The following KIF18A variants were observed in gnomAD, a reference collection of about 807,000 sequenced individuals.
KIF18A encodes kinesin-like protein KIF18A.
Under a neutral mutation model 103.3 loss-of-function variants are expected in KIF18A, and 67 were observed. The ratio of observed to expected loss-of-function variants is 0.65; its 90% CI spans 0.53 to 0.79. The LOEUF is 0.79. Ranked by LOEUF, KIF18A falls within the 30% of genes least tolerant of loss-of-function variation. The pLI is 0.00. For synonymous variants in KIF18A, 367 were observed against 355.5 expected (o/e 1.03, Z -0.36); for missense variants, 1,032 against 1,062.5 (o/e 0.97, Z 0.40).
chr11:28,052,654 T>C (rs1057367489), intron 13 of KIF18A, among the ~76,000 whole-genome samples: 1 of 152,138 alleles, frequency 6.6e-6, no homozygotes, highest in Non-Finnish European at 1.5e-5. Flanking sequence ...TCTTATAGCA[T>C]GTAGTACCTC....
chr11:28,031,748 C>A (rs191916023), intron 15 of KIF18A, among the ~76,000 whole-genome samples: 7 of 151,182 alleles, frequency 4.6e-5, no homozygotes, highest in South Asian at 2.1e-4. Flanking sequence ...AAGCCATACA[C>A]GACAGACCCA....
At chr11:28,068,925 C>A (rs997769511) in intron 11 of KIF18A, among the ~76,000 whole-genome samples, 6 of 152,264 alleles carry the variant, frequency 3.9e-5, no homozygotes, top group African/African-American at 1.4e-4. Flanking sequence ...GTTACACACA[C>A]ACACCCCCTT....
chr11:28,104,086 CTT>C (rs1157460466), intron 1 of KIF18A, among the ~76,000 whole-genome samples: 1 of 152,174 alleles, frequency 6.6e-6, no homozygotes, highest in Non-Finnish European at 1.5e-5. Context: ...CAATTTTTAA[CTT>C]ATAACATATG....
intron 3 of KIF18A, among the ~76,000 whole-genome samples, chr11:28,092,388 G>C (rs1851318282): frequency 1.3e-5 from 2 of 152,106 alleles, no homozygotes; most frequent in Non-Finnish European, 2.9e-5. Flanking sequence ...TTTGAATGAT[G>C]AGGGAACTAA....
At chr11:28,079,127 G>C (rs575233775) in intron 9 of KIF18A, among the ~76,000 whole-genome samples, 3 of 152,000 alleles carry the variant, frequency 2.0e-5, no homozygotes, top group African/African-American at 7.2e-5. Context: ...CCTGAGAGGA[G>C]GGCCTTACCA....
chr11:28,087,235 C>T (rs570537217), intron 6 of KIF18A, among the ~76,000 whole-genome samples: 2 of 152,238 alleles, frequency 1.3e-5, no homozygotes, highest in African/African-American at 2.4e-5. Context: ...CTAGCCCCCA[C>T]ACCCCCTGAC....
chr11:28,104,180 T>C (rs1851478389), intron 1 of KIF18A, among the ~76,000 whole-genome samples: 3 of 152,344 alleles, frequency 2.0e-5, no homozygotes, highest in Admixed American at 2.0e-4. Context: ...ATTGATTGTA[T>C]GCACTGATAC....
intron 1 of KIF18A, among the ~76,000 whole-genome samples, chr11:28,099,029 TG>T (rs1320545543): frequency 6.6e-6 from 1 of 152,156 alleles, no homozygotes; most frequent in Non-Finnish European, 1.5e-5. Flanking sequence ...AAGAGATATT[TG>T]CCCTGCCATG....
At chr11:28,092,842 A>C (rs1565090462) in intron 3 of KIF18A, among the ~76,000 whole-genome samples, 1 of 152,234 alleles carries the variant, frequency 6.6e-6, no homozygotes. Context: ...AAATATTTTT[A>C]AATCATATCT....
At chr11:28,040,950 G>A (rs989036763) in intron 13 of KIF18A, among the ~76,000 whole-genome samples, 2 of 151,682 alleles carry the variant, frequency 1.3e-5, no homozygotes, top group Non-Finnish European at 2.9e-5. Context: ...GAAGCATAAT[G>A]TCAAAAAATT....
intron 15 of KIF18A, among the ~76,000 whole-genome samples, chr11:28,027,587 C>T (rs541712571): frequency 2.6e-5 from 4 of 152,008 alleles, no homozygotes; most frequent in Non-Finnish European, 5.9e-5. Flanking sequence ...TCTTTCACTT[C>T]TTCCCATATT....
At chr11:28,096,883 T>TC (rs1431911497) in intron 2 of KIF18A, among the ~76,000 whole-genome samples, 3 of 122,330 alleles carry the variant, frequency 2.5e-5, no homozygotes, top group East Asian at 4.3e-4. Flanking sequence ...TCTCTCTCTC[T>TC]TTTTTTTTTT....
intron 6 of KIF18A, 146 bp from the exon 7 acceptor site, chr11:28,084,954 A>C (rs117395881): frequency 0.011 from 6,540 of 579,282 alleles, 108 homozygotes; most frequent in Non-Finnish European, 0.012. Context: ...ATAATGAAAA[A>C]AATAGCTAGA....
At chr11:28,064,344 T>C (rs1287076097) in intron 11 of KIF18A, among the ~76,000 whole-genome samples, 5 of 151,998 alleles carry the variant, frequency 3.3e-5, no homozygotes, top group Admixed American at 3.3e-4. Context: ...TTTACTTGAC[T>C]AAAATTTAAG....
At chr11:28,105,196 T>C (rs1278813106) in intron 1 of KIF18A, among the ~76,000 whole-genome samples, 3 of 152,154 alleles carry the variant, frequency 2.0e-5, no homozygotes, top group African/African-American at 7.2e-5. Context: ...AACCCTGTAC[T>C]GTCATTCCTA....
At position 28,069,249 on chromosome 11, in the gene KIF18A, A is replaced by G; in HGVS notation, c.1590+10T>C. 2 of 1,604,756 alleles carry G rather than the reference A, an allele frequency of 1.2e-6. No homozygotes were observed. The highest frequency in any genetic ancestry group is 1.7e-6 in the Non-Finnish European group (2 of 1,171,794). Reference sequence around the variant, plus strand: ...ACAAATTAAATCTGAACATACAGAGATATTTGTACCTTTGGAATATGACCG... The same window carrying G: ...ACAAATTAAATCTGAACATACAGAGGTATTTGTACCTTTGGAATATGACCG... On this transcript the variant is annotated intron_variant, in intron 11 of 16. Transcript: ENST00000263181.
intron 1 of KIF18A, among the ~76,000 whole-genome samples, chr11:28,107,656 T>G (rs1158592371): frequency 6.6e-6 from 1 of 152,156 alleles, no homozygotes; most frequent in Non-Finnish European, 1.5e-5. Context: ...CCTCGTTTGA[T>G]AGGTAAGCCC....
In KIF18A at chr11:28,062,630, AAT is replaced by A. The variant is rs1452667418; in HGVS notation, c.1591-116_1591-115del. On this transcript the variant is annotated intron_variant, in intron 11 of 16. Coordinates refer to ENST00000263181, the MANE Select transcript of KIF18A (RefSeq NM_031217.4). ...TTTTAATTCTTTTTAGATATTAAATAATATGTTTAGAAACAATTTGAAAAATA... is the reference window on the plus strand; with the variant it reads ...TTTTAATTCTTTTTAGATATTAAATAATGTTTAGAAACAATTTGAAAAATA... The A allele has an allele frequency of 1.2e-5, 9 of 771,014 alleles. No homozygotes were observed. The African/African-American group carries it at 1.6e-4, about 14-fold the overall frequency. 47.8% of individuals were successfully genotyped at this position (771,014 alleles called of 1,614,324 possible). A position where few individuals can be genotyped will look rare whatever the true frequency, so the allele number is the denominator to read the frequency against.
At chr11:28,088,860 A>G in intron 5 of KIF18A, 139 bp from the exon 6 acceptor site, 1 of 670,754 alleles carries the variant, frequency 1.5e-6, no homozygotes, top group Middle Eastern at 4.2e-4. Context: ...TCTAATTGAT[A>G]TTTAAGAGCA....
Sources: gnomAD v4.1 joint callset for allele counts (sites outside exome capture counted in the v4.1 genomes callset) on GRCh38, gnomAD v4.1.1 for gene constraint, MANE v1.5 for transcripts, NCBI Gene and HGNC (gene_info 2026-07-23, HGNC 2026-07-21) for gene names.